RAPH1: variants seen among roughly 807,000 people sequenced by gnomAD.
The protein encoded by RAPH1 is Ras association (RalGDS/AF-6) and pleckstrin homology domains 1.
RAPH1 carries 18 observed loss-of-function variants against 88.1 expected under a neutral mutation model. The observed-to-expected ratio is 0.20, with a 90% CI of 0.14 to 0.30. RAPH1 has a LOEUF of 0.30. RAPH1 is among the 10% of genes least tolerant of loss of function. The pLI, the probability that RAPH1 is intolerant of heterozygous loss-of-function variation, is 1.00. For synonymous variants in RAPH1, 587 were observed against 559.0 expected, an observed-to-expected ratio of 1.05 and a Z score of -0.71; for missense variants, 1,448 against 1,543.2, an observed-to-expected ratio of 0.94 and a Z score of 1.03.
chr2:203,464,374 C>T (rs1324467993), intron 4 of RAPH1, among the ~76,000 whole-genome samples: 3 of 152,180 alleles, frequency 2.0e-5, no homozygotes, highest in East Asian at 1.9e-4. Flanking sequence ...CGGGTTCAAG[C>T]GATTCTCCTG....
chr2:203,440,314 T>A lies in RAPH1; in HGVS notation c.2876A>T (p.Lys959Met). 1 of 1,613,022 alleles carries A rather than the reference T, an allele frequency of 6.2e-7. No homozygotes were observed. ...TPDKSGSPGK[K>M]TSKTSSPGGK... ...CCCAGGGCTGGACGTCTTACTGGTC[T>A]TTTTGCCTGGAGATCCACTTTTGTC... is the stretch of plus-strand genomic sequence containing the variant. Residue 959 changes from lysine (K) to methionine (M), a missense_variant, in exon 14 of 14, where the codon AAG (lysine) becomes ATG (methionine). Around this residue, in one of 2 missense-constraint regions of RAPH1, gnomAD observed 935 missense variants for 890.1 expected, o/e 1.05. Coordinates refer to ENST00000319170, the MANE Select transcript of RAPH1 (RefSeq NM_213589.3).
intron 1 of RAPH1, among the ~76,000 whole-genome samples, chr2:203,517,359 C>CAAAAAAAAAAAAAAAAAAGAA (rs1689661021): frequency 3.1e-5 from 1 of 32,150 alleles, no homozygotes; most frequent in Admixed American, 4.0e-4. Context: ...CTATGAGAGG[C>CAAAAAAAAAAAAAAAAAAGAA]AAAAAAAAAA....
At position 203,434,056 on chromosome 2, in the gene RAPH1, C is replaced by CTATATATA. The variant is rs372040819; in HGVS notation, c.*5373_*5380dup. The CTATATATA allele has an allele frequency of 9.6e-5, 14 of 145,644 alleles. No homozygotes were observed. The highest frequency in any genetic ancestry group is 3.3e-3 in the Middle Eastern group (1 of 304). 9.0% of individuals were successfully genotyped at this position (145,644 alleles called of 1,614,324 possible). ...CTCTCTCATATATCTATCTATCTAT[C>CTATATATA]TATATATATATATATATATATATAG... On this transcript the variant is annotated 3_prime_UTR_variant, in exon 14 of 14. Transcript: ENST00000319170.
At chr2:203,495,542 T>C (rs1036185558) in intron 1 of RAPH1, among the ~76,000 whole-genome samples, 189 bp from the exon 2 acceptor site, 1 of 152,142 alleles carries the variant, frequency 6.6e-6, no homozygotes, top group Non-Finnish European at 1.5e-5. Flanking sequence ...AAACAAAGAA[T>C]AAAGTTTCAA....
chr2:203,498,451 C>A (rs981051356), intron 1 of RAPH1, among the ~76,000 whole-genome samples: 1 of 152,064 alleles, frequency 6.6e-6, no homozygotes, highest in Non-Finnish European at 1.5e-5. Flanking sequence ...CTCCACGAAC[C>A]ATTGTGATAG....
intron 2 of RAPH1, among the ~76,000 whole-genome samples, chr2:203,492,544 A>T (rs1338830097): frequency 1.3e-5 from 2 of 152,192 alleles, no homozygotes; most frequent in African/African-American, 4.8e-5. Flanking sequence ...GTGACTTGTA[A>T]GTTACACTTG....
chr2:203,447,801 T>C, intron 12 of RAPH1, 158 bp downstream of exon 12: 1 of 650,824 alleles, frequency 1.5e-6, no homozygotes, highest in East Asian at 2.8e-5. Flanking sequence ...TACTGTACCC[T>C]CTAGCAATTT....
chr2:203,508,714 G>T (rs1020070243), intron 1 of RAPH1, among the ~76,000 whole-genome samples: 7 of 151,714 alleles, frequency 4.6e-5, no homozygotes, highest in Non-Finnish European at 7.4e-5. Context: ...TGAAGGAGGA[G>T]AGATAAAAAG....
intron 2 of RAPH1, among the ~76,000 whole-genome samples, chr2:203,493,164 T>G (rs907223691): frequency 1.3e-5 from 2 of 152,206 alleles, no homozygotes; most frequent in African/African-American, 4.8e-5. Context: ...TTTAATCTTT[T>G]TTTCTCTCTA....
At chr2:203,458,983 C>T (rs762124079) in intron 7 of RAPH1, among the ~76,000 whole-genome samples, 21 of 152,020 alleles carry the variant, frequency 1.4e-4, no homozygotes, top group South Asian at 2.1e-4. Context: ...AGGATGGTCT[C>T]GATCTCCTGA....
In RAPH1 at chr2:203,440,138, G is replaced by C; in HGVS notation, c.3052C>G (p.Leu1018Val). ...AESGSPSKET[L>V]PPPAAPPKPG... is the part of the protein sequence containing the mutation. ...TTGGGGGGTGCTGCAGGAGGTGGTAGGGTCTCCTTGCTGGGAGACCCTGAT... is the reference window on the plus strand; with the variant it reads ...TTGGGGGGTGCTGCAGGAGGTGGTACGGTCTCCTTGCTGGGAGACCCTGAT... The change falls in exon 14 of 14, where the codon CTA becomes GTA. Residue 1018 changes from leucine (L) to valine (V), a missense_variant. By Grantham distance (32) the Leu-to-Val change is conservative. Transcript: ENST00000319170. 6.2e-7 allele frequency: 1 copy of C among 1,613,596 alleles called. No individual in the cohort carries two copies. The highest frequency in any genetic ancestry group is 8.5e-7 in the Non-Finnish European group (1 of 1,179,978).
intron 1 of RAPH1, among the ~76,000 whole-genome samples, chr2:203,518,914 GA>G (rs1351804334): frequency 6.6e-6 from 1 of 152,182 alleles, no homozygotes; most frequent in African/African-American, 2.4e-5. Flanking sequence ...CAGATGAGAT[GA>G]ACCAATTCCT....
At chr2:203,462,518 A>C (rs767894125) in intron 4 of RAPH1, among the ~76,000 whole-genome samples, 3 of 152,186 alleles carry the variant, frequency 2.0e-5, no homozygotes, top group Non-Finnish European at 4.4e-5. Context: ...CGTAAGTTTC[A>C]CTCTGCTTTG....
intron 4 of RAPH1, among the ~76,000 whole-genome samples, chr2:203,468,464 A>G (rs948277653): frequency 1.3e-5 from 2 of 152,158 alleles, no homozygotes; most frequent in African/African-American, 4.8e-5. Context: ...TTTAGCTTAA[A>G]TATTACCCTC....
intron 7 of RAPH1, among the ~76,000 whole-genome samples, chr2:203,457,985 G>T (rs1294971933): frequency 6.6e-6 from 1 of 152,102 alleles, no homozygotes; most frequent in Non-Finnish European, 1.5e-5. Context: ...ACTGATCTAG[G>T]TGCAGAAAAT....
At chr2:203,511,705 TGTCTTTGCTGTCTCCCCATTTTA>T (rs1197549838) in intron 1 of RAPH1, among the ~76,000 whole-genome samples, 74 of 152,272 alleles carry the variant, frequency 4.9e-4, no homozygotes, top group Middle Eastern at 3.4e-3. Flanking sequence ...CCATTTCCCA[TGTCTTTGCTGTCTCCCCATTTTA>T]ACCTGTGAGT....
chr2:203,451,994 T>C (rs574469890), intron 10 of RAPH1, among the ~76,000 whole-genome samples: 33 of 152,334 alleles, frequency 2.2e-4, no homozygotes, highest in Admixed American at 4.6e-4. Flanking sequence ...TGGATTTTTC[T>C]GGGTCTACAT....
intron 4 of RAPH1, among the ~76,000 whole-genome samples, chr2:203,475,648 C>G (rs1687386193): frequency 6.6e-6 from 1 of 151,172 alleles, no homozygotes; most frequent in Non-Finnish European, 1.5e-5. Flanking sequence ...TTCCCTTTTT[C>G]TCATAGTATA....
rs2098495807 is a variant in RAPH1, at chr2:203,434,038, A to ATC, written c.*5398_*5399insGA. 2.4e-4 allele frequency: 29 copies of ATC among 119,546 alleles called. No individual in the cohort carries two copies. The highest frequency in any genetic ancestry group is 1.6e-3 in the Admixed American group (21 of 12,828). The allele number at this position is 119,546 out of a possible 1,614,324, so 7.4% of individuals were successfully genotyped here. On this transcript the variant is annotated 3_prime_UTR_variant, in exon 14 of 14. Coordinates refer to ENST00000319170, the MANE Select transcript of RAPH1 (RefSeq NM_213589.3). ...CAGTAGTACTGAATATATCTCTCTC[A>ATC]TATATCTATCTATCTATCTATATAT...
Sources: gnomAD v4.1 joint callset for allele counts (sites outside exome capture counted in the v4.1 genomes callset) on GRCh38, gnomAD v4.1.1 for gene constraint, gnomAD v4.1.1 regional missense constraint, MANE v1.5 for transcripts, NCBI Gene and HGNC (gene_info 2026-07-23, HGNC 2026-07-21) for gene names.